The following TMEM200A variants were observed in gnomAD, a reference collection of about 807,000 sequenced individuals.
The protein encoded by TMEM200A is transmembrane protein 200A.
TMEM200A carries 12 observed loss-of-function variants against 24.3 expected under a neutral mutation model. The ratio of observed to expected loss-of-function variants is 0.49; its 90% CI spans 0.32 to 0.80. TMEM200A has a LOEUF of 0.80. Among genes scored for constraint, TMEM200A ranks in the 30% least tolerant of loss-of-function variants. The probability of loss-of-function intolerance (pLI) is 0.04; values close to 1 mark genes in which losing one functional copy is unlikely to be tolerated. For synonymous variants in TMEM200A, 224 were observed against 224.4 expected (o/e 1.00, Z 0.02); for missense variants, 545 against 614.4 (o/e 0.89, Z 1.19).
At chr6:130,418,095 C>T (rs1779500419) in intron 2 of TMEM200A, among the ~76,000 whole-genome samples, 2 of 152,124 alleles carry the variant, frequency 1.3e-5, no homozygotes, top group South Asian at 2.1e-4. Context: ...TAACCACATT[C>T]ACCTCTTGGC....
chr6:130,407,479 A>T (rs1271423725), intron 2 of TMEM200A, among the ~76,000 whole-genome samples: 1 of 152,252 alleles, frequency 6.6e-6, no homozygotes, highest in African/African-American at 2.4e-5. Flanking sequence ...TTAAATAACC[A>T]TCTAGATAAT....
intron 1 of TMEM200A, among the ~76,000 whole-genome samples, chr6:130,369,193 GGGT>G (rs1162533855): frequency 5.3e-5 from 8 of 152,146 alleles, no homozygotes; most frequent in Non-Finnish European, 1.0e-4. Flanking sequence ...ACTTAGTACT[GGGT>G]GGTTTTCCAT....
intron 2 of TMEM200A, among the ~76,000 whole-genome samples, chr6:130,433,433 C>T (rs1038360195): frequency 2.0e-5 from 3 of 152,108 alleles, no homozygotes; most frequent in African/African-American, 7.2e-5. Flanking sequence ...CCACCACGCC[C>T]AGCCAAAAAT....
Position 130,442,749 on chromosome 6 carries a change from T to G in TMEM200A, c.*851T>G, listed in dbSNP as rs539555083. On this transcript the variant is annotated 3_prime_UTR_variant, in exon 3 of 3. Transcript: ENST00000296978. Reference sequence around the variant, plus strand: ...TTATATACTAGTTAATGCTAACTAGTCTCAGTACCTGTTTTTAGCCATCTG... The same window carrying G: ...TTATATACTAGTTAATGCTAACTAGGCTCAGTACCTGTTTTTAGCCATCTG... 5 of 167,190 alleles carry G rather than the reference T, an allele frequency of 3.0e-5. 1 individual carries two copies. Among genetic ancestry groups the G allele is most frequent in the African/African-American group, 1.2e-4 (5 of 41,588 alleles). The allele number at this position is 167,190 out of a possible 1,614,324, so 10.4% of individuals were successfully genotyped here.
intron 2 of TMEM200A, among the ~76,000 whole-genome samples, chr6:130,411,738 C>CAGA (rs1448106594): frequency 2.6e-5 from 4 of 152,198 alleles, no homozygotes; most frequent in African/African-American, 4.8e-5. Flanking sequence ...AGGATTATCA[C>CAGA]AGAAGTCGTG....
At chr6:130,399,413 T>C (rs1779030271) in intron 2 of TMEM200A, among the ~76,000 whole-genome samples, 1 of 152,022 alleles carries the variant, frequency 6.6e-6, no homozygotes, top group Admixed American at 6.6e-5. Flanking sequence ...CAATTTGGAC[T>C]TTTTGATTTT....
intron 2 of TMEM200A, among the ~76,000 whole-genome samples, chr6:130,431,068 C>T (rs1485142054): frequency 6.6e-6 from 1 of 152,052 alleles, no homozygotes; most frequent in Non-Finnish European, 1.5e-5. Context: ...AATACGGACA[C>T]GACTGTGTTA....
In TMEM200A at chr6:130,427,766, T is replaced by C. The variant is rs368655950; in HGVS notation, c.-16-12641T>C. Among the ~76,000 whole-genome samples the C allele has an allele frequency of 4.6e-5, 7 of 152,276 alleles. No individual in the cohort carries two copies. The South Asian group carries it at 1.5e-3, about 32-fold the overall frequency. On this transcript the variant is annotated intron_variant, in intron 2 of 2. Transcript: ENST00000296978. The stretch of plus-strand genomic sequence containing the variant: ...TTGCCAATTACTAGTGAAGTTAATA[T>C]TTTTACTTTTGAGATTACCTTAGTT...
At chr6:130,381,575 C>T (rs1778596057) in intron 1 of TMEM200A, among the ~76,000 whole-genome samples, 1 of 152,174 alleles carries the variant, frequency 6.6e-6, no homozygotes, top group Non-Finnish European at 1.5e-5. Context: ...ACTAATTTTC[C>T]TCCCAGTACA....
chr6:130,430,649 A>G (rs576479176), intron 2 of TMEM200A, among the ~76,000 whole-genome samples: 22 of 152,094 alleles, frequency 1.4e-4, no homozygotes, highest in Admixed American at 3.9e-4. Context: ...ATGTCCCTTA[A>G]ATGCTAAAAG....
At chr6:130,404,141 T>C (rs536945616) in intron 2 of TMEM200A, among the ~76,000 whole-genome samples, 1 of 152,298 alleles carries the variant, frequency 6.6e-6, no homozygotes, top group South Asian at 2.1e-4. Context: ...ACATAATACA[T>C]GTGCAAGTGT....
chr6:130,408,841 T>G (rs755867617), intron 2 of TMEM200A, among the ~76,000 whole-genome samples: 17 of 152,236 alleles, frequency 1.1e-4, no homozygotes, highest in Admixed American at 4.6e-4. Context: ...AGGGTGCCAC[T>G]CAGATCTCCC....
At chr6:130,419,331 T>C (rs1394153518) in intron 2 of TMEM200A, among the ~76,000 whole-genome samples, 2 of 152,172 alleles carry the variant, frequency 1.3e-5, no homozygotes, top group Non-Finnish European at 1.5e-5. Context: ...GGATGGACAG[T>C]TAGGTGGATT....
intron 1 of TMEM200A, among the ~76,000 whole-genome samples, chr6:130,380,816 A>G (rs1380665190): frequency 6.6e-6 from 1 of 152,088 alleles, no homozygotes; most frequent in African/African-American, 2.4e-5. Flanking sequence ...ATTTTTTACA[A>G]TTTTTACACT....
intron 1 of TMEM200A, among the ~76,000 whole-genome samples, chr6:130,382,370 A>G (rs1002910350): frequency 6.6e-6 from 1 of 152,192 alleles, no homozygotes; most frequent in Non-Finnish European, 1.5e-5. Context: ...TGCATGCTCT[A>G]CATGAAACAG....
chr6:130,401,283 A>G (rs1283233714), intron 2 of TMEM200A, among the ~76,000 whole-genome samples: 1 of 151,944 alleles, frequency 6.6e-6, no homozygotes, highest in Admixed American at 6.6e-5. Context: ...TTAGCCTCAT[A>G]GTATTCCATT....
intron 2 of TMEM200A, among the ~76,000 whole-genome samples, chr6:130,395,182 C>T (rs191131376): frequency 1.1e-4 from 16 of 152,294 alleles, no homozygotes; most frequent in East Asian, 3.9e-4. Context: ...CTCAGAAACA[C>T]GCACACAGAA....
chr6:130,430,069 A>G (rs550290903), intron 2 of TMEM200A, among the ~76,000 whole-genome samples: 2 of 152,256 alleles, frequency 1.3e-5, no homozygotes, highest in South Asian at 4.1e-4. Context: ...TCTGGCTGCT[A>G]TAACAAAAAT....
intron 1 of TMEM200A, among the ~76,000 whole-genome samples, chr6:130,375,301 A>C (rs1013050431): frequency 3.9e-5 from 6 of 152,192 alleles, no homozygotes; most frequent in African/African-American, 1.4e-4. Context: ...AACGCAGAAC[A>C]CTGTGTAGGA....
Sources: gnomAD v4.1 joint callset for allele counts (sites outside exome capture counted in the v4.1 genomes callset) on GRCh38, gnomAD v4.1.1 for gene constraint, MANE v1.5 for transcripts, NCBI Gene and HGNC (gene_info 2026-07-23, HGNC 2026-07-21) for gene names.